OR13A1: variants seen among roughly 807,000 people sequenced by gnomAD.
OR13A1 encodes the protein olfactory receptor 13A1.
OR13A1 carries 10 observed loss-of-function variants against 7.5 expected under a neutral mutation model. That is an observed-to-expected ratio of 1.34 (90% CI 0.83 to 2.27). OR13A1 has a LOEUF of 2.27. OR13A1 is among the 30% of genes most tolerant of loss of function. The probability of loss-of-function intolerance (pLI) is 0.00; values close to 1 mark genes in which losing one functional copy is unlikely to be tolerated. For missense variants in OR13A1, 509 were observed against 419.1 expected (o/e 1.21, Z -1.87); for synonymous variants, 238 against 177.9 (o/e 1.34, Z -2.69).
At position 45,303,805 on chromosome 10, in the gene OR13A1, G is replaced by T; in HGVS notation, c.618C>A (p.Ser206=). The change falls in exon 4 of 4, where the codon TCC becomes TCA. Residue 206 remains serine, a synonymous_variant. Coordinates refer to ENST00000553795, the MANE Select transcript of OR13A1 (RefSeq NM_001004297.3). ...CACCGTTGACGTAGGTGGAGCTGCA[G>T]GAGAGAAGCAGCAGGGGAGGGACCT... The part of the protein sequence containing the change: ...FCEVPPLLLL[S]CSSTYVNGVM... The T allele has an allele frequency of 1.9e-6, 3 of 1,613,586 alleles. No individual in the cohort carries two copies. The highest frequency in any genetic ancestry group is 2.5e-6 in the Non-Finnish European group (3 of 1,180,040).
At position 45,303,524 on chromosome 10, in the gene OR13A1, C is replaced by T. The variant is rs371201218; in HGVS notation, c.899G>A (p.Ser300Asn). ...ATAGATGAGGGGGTTGAGGGTAGGA[C>T]TCAGCACAGTGTACAGCAGGCCAGC... The part of the protein sequence containing the change: ...KLAGLLYTVL[S>N]PTLNPLIYTL... The change falls in exon 4 of 4, where the codon AGT becomes AAT. Residue 300 changes from serine (S) to asparagine (N), a missense_variant. Ser to Asn is a conservative substitution (Grantham distance 46). Coordinates refer to ENST00000553795, the MANE Select transcript of OR13A1 (RefSeq NM_001004297.3). The T allele has an allele frequency of 6.2e-6, 10 of 1,613,974 alleles. No homozygotes were observed. The African/African-American group carries it at 1.3e-4, about 22-fold the overall frequency.
At chr10:45,310,441 G>C (rs1010147860) in intron 1 of OR13A1, among the ~76,000 whole-genome samples, 1 of 152,118 alleles carries the variant, frequency 6.6e-6, no homozygotes, top group Non-Finnish European at 1.5e-5. Context: ...GTTGTAAAAA[G>C]GGACAATATA....
intron 1 of OR13A1, among the ~76,000 whole-genome samples, chr10:45,313,921 T>C (rs1323903854): frequency 2.6e-5 from 4 of 151,628 alleles, no homozygotes; most frequent in African/African-American, 9.7e-5. Flanking sequence ...CTAACAAACA[T>C]GTGCAGAACA....
At chr10:45,310,501 G>A (rs1838422952) in intron 1 of OR13A1, among the ~76,000 whole-genome samples, 2 of 152,196 alleles carry the variant, frequency 1.3e-5, no homozygotes, top group South Asian at 4.1e-4. Flanking sequence ...CAGATATTGT[G>A]CACATAACTT....
chr10:45,303,331 C>T lies in OR13A1; in HGVS notation c.*105G>A. 8.2e-7 allele frequency: 1 copy of T among 1,225,714 alleles called. No individual in the cohort carries two copies. Among genetic ancestry groups the T allele is most frequent in the South Asian group, 1.5e-5 (1 of 67,654 alleles). 75.9% of individuals were successfully genotyped at this position (1,225,714 alleles called of 1,614,324 possible). On this transcript the variant is annotated 3_prime_UTR_variant, in exon 4 of 4. Coordinates refer to ENST00000553795, the MANE Select transcript of OR13A1 (RefSeq NM_001004297.3). ...CCAGCTCATCCATGCACAGGTTCTG[C>T]TGGGTTAGAAAAAACAAGTCTATTT...
At position 45,304,251 on chromosome 10, in the gene OR13A1, T is replaced by C; in HGVS notation, c.172A>G (p.Thr58Ala). 6.2e-7 allele frequency: 1 copy of C among 1,614,126 alleles called. No individual in the cohort carries two copies. The highest frequency in any genetic ancestry group is 8.5e-7 in the Non-Finnish European group (1 of 1,180,018). The change falls in exon 4 of 4, where the codon ACA becomes GCA. Residue 58 changes from threonine to alanine, a missense_variant. Transcript: ENST00000553795. ...CFLFLYSGALTGNVLITLAIT... is the reference protein window; with the variant it reads ...CFLFLYSGALAGNVLITLAIT... ...GCCAAGGTGATGAGGACATTACCTGTGAGGGCCCCAGAGTAGAGGAAGAGG... is the reference window on the plus strand; with the variant it reads ...GCCAAGGTGATGAGGACATTACCTGCGAGGGCCCCAGAGTAGAGGAAGAGG...
At chr10:45,313,207 A>G (rs1157349658) in intron 1 of OR13A1, among the ~76,000 whole-genome samples, 1 of 152,098 alleles carries the variant, frequency 6.6e-6, no homozygotes, top group Non-Finnish European at 1.5e-5. Context: ...TTATTCTCTT[A>G]ACAGTTTAAA....
chr10:45,303,522 G>T lies in OR13A1; in HGVS notation c.901C>A (p.Pro301Thr). Residue 301 changes from proline (P) to threonine (T), a missense_variant, in exon 4 of 4, where the codon CCT becomes ACT. Physicochemically the swap from Pro to Thr is conservative, Grantham distance 38. Coordinates refer to ENST00000553795, the MANE Select transcript of OR13A1 (RefSeq NM_001004297.3). ...LAGLLYTVLS[P>T]TLNPLIYTLR... ...GTATAGATGAGGGGGTTGAGGGTAG[G>T]ACTCAGCACAGTGTACAGCAGGCCA... 4.3e-6 allele frequency: 7 copies of T among 1,614,098 alleles called. No homozygotes were observed. The highest frequency in any genetic ancestry group is 5.9e-6 in the Non-Finnish European group (7 of 1,180,026).
Position 45,303,381 on chromosome 10 carries a change from A to C in OR13A1, c.*55T>G. On this transcript the variant is annotated 3_prime_UTR_variant, in exon 4 of 4. Transcript: ENST00000553795. ...TACCTCCCAGTCCAGAAACTTGCTC[A>C]TCAGACTCCACTAAAACTGCAGTCT... 1 of 1,517,934 alleles carries C rather than the reference A, an allele frequency of 6.6e-7. No individual in the cohort carries two copies. Among genetic ancestry groups the C allele is most frequent in the Non-Finnish European group, 8.9e-7 (1 of 1,128,006 alleles). The allele number at this position is 1,517,934 out of a possible 1,614,324, so 94.0% of individuals were successfully genotyped here.
intron 1 of OR13A1, among the ~76,000 whole-genome samples, chr10:45,310,526 C>T (rs1042531931): frequency 1.3e-5 from 2 of 152,130 alleles, no homozygotes; most frequent in African/African-American, 4.8e-5. Context: ...TCATATTTTA[C>T]AGGCAAAAGT....
intron 1 of OR13A1, among the ~76,000 whole-genome samples, chr10:45,311,562 GA>G (rs902915431): frequency 8.6e-5 from 13 of 152,012 alleles, no homozygotes; most frequent in African/African-American, 3.1e-4. Context: ...AGAAGTAGGA[GA>G]ATATGGCCAT....
chr10:45,304,767 C>A (rs1202412980), intron 3 of OR13A1, among the ~76,000 whole-genome samples: 1 of 152,102 alleles, frequency 6.6e-6, no homozygotes, highest in African/African-American at 2.4e-5. Flanking sequence ...AATATGTATT[C>A]CATTTGAGCC....
At chr10:45,311,123 C>A (rs1025154543) in intron 1 of OR13A1, among the ~76,000 whole-genome samples, 4 of 152,224 alleles carry the variant, frequency 2.6e-5, no homozygotes, top group African/African-American at 9.6e-5. Flanking sequence ...GGCAATACCA[C>A]TGCTCAATTT....
chr10:45,312,651 G>A (rs1838465178), intron 1 of OR13A1, among the ~76,000 whole-genome samples: 2 of 152,034 alleles, frequency 1.3e-5, no homozygotes, highest in South Asian at 4.1e-4. Context: ...CAAAGACAAA[G>A]AGACAATCTT....
chr10:45,315,292 T>C (rs982896366), intron 1 of OR13A1, among the ~76,000 whole-genome samples: 3 of 151,830 alleles, frequency 2.0e-5, no homozygotes, highest in Non-Finnish European at 2.9e-5. Context: ...CCAGCCAGAA[T>C]GACAGAATGA....
chr10:45,306,280 C>G (rs1262348953), intron 3 of OR13A1, among the ~76,000 whole-genome samples: 2 of 152,038 alleles, frequency 1.3e-5, no homozygotes, highest in Non-Finnish European at 2.9e-5. Context: ...CGGTGAAACC[C>G]CGTCTCTACT....
intron 1 of OR13A1, among the ~76,000 whole-genome samples, chr10:45,312,051 A>G (rs866645296): frequency 3.3e-5 from 5 of 152,128 alleles, no homozygotes; most frequent in African/African-American, 1.2e-4. Flanking sequence ...AAGTATAATA[A>G]ACCTGCCCAA....
In OR13A1 at chr10:45,304,022, G is replaced by T; in HGVS notation, c.401C>A (p.Thr134Lys). ...WAASSELLLLTVMAYDRYAAI... is the reference protein window; with the variant it reads ...WAASSELLLLKVMAYDRYAAI... ...TGCGTACCGGTCATAGGCCATGACC[G>T]TGAGGAGCAGCAGCTCTGAGGATGC... Residue 134 changes from threonine to lysine, a missense_variant, in exon 4 of 4, where the codon ACG (threonine) becomes AAG (lysine). Transcript: ENST00000553795. 6.2e-7 allele frequency: 1 copy of T among 1,612,938 alleles called. No individual in the cohort carries two copies.
At chr10:45,307,139 C>T (rs55963543) in intron 3 of OR13A1, among the ~76,000 whole-genome samples, 12,619 of 152,220 alleles carry the variant, frequency 0.083, 716 homozygotes, top group Non-Finnish European at 0.11. Context: ...ATATTACAAA[C>T]GCACCAGAGT....
Sources: gnomAD v4.1 joint callset for allele counts (sites outside exome capture counted in the v4.1 genomes callset) on GRCh38, gnomAD v4.1.1 for gene constraint, MANE v1.5 for transcripts, NCBI Gene and HGNC (gene_info 2026-07-23, HGNC 2026-07-21) for gene names.